TTC12: variants seen among roughly 807,000 people sequenced by gnomAD.
TTC12 encodes tetratricopeptide repeat protein 12.
A neutral mutation model predicts 90.1 loss-of-function variants in TTC12; 70 were observed. The ratio of observed to expected loss-of-function variants is 0.78; its 90% CI spans 0.64 to 0.95. TTC12 has a LOEUF of 0.95. Ranked by LOEUF, TTC12 falls within the 40% of genes least tolerant of loss-of-function variation. The pLI, the probability that TTC12 is intolerant of heterozygous loss-of-function variation, is 0.00. For synonymous variants in TTC12, 296 were observed against 311.5 expected (o/e 0.95, Z 0.53); for missense variants, 819 against 846.1 (o/e 0.97, Z 0.40).
At chr11:113,323,184 T>C in intron 2 of TTC12, 104 bp from the exon 3 acceptor site, 1 of 942,992 alleles carries the variant, frequency 1.1e-6, no homozygotes. Flanking sequence ...TGCTCTATTT[T>C]TTTCTTTAAG....
At position 113,352,187 on chromosome 11, in the gene TTC12, G is replaced by C. The variant is rs1186275844; in HGVS notation, c.1426G>C (p.Asp476His). ...CATGGCGGCCTGTGAGGAATTTGGG[G>C]ATGGCTGCTTGAGCCTCCTGGTATG... ...RHMAACEEFG[D>H]GCLSLLARCE... The change falls in exon 16 of 22, where the codon GAT (aspartate) becomes CAT (histidine). Residue 476 changes from aspartate to histidine, a missense_variant. By Grantham distance (81) the Asp-to-His change is moderately conservative. Transcript: ENST00000529221. The C allele has an allele frequency of 6.2e-6, 10 of 1,614,206 alleles. No individual in the cohort carries two copies. Among genetic ancestry groups the C allele is most frequent in the Non-Finnish European group, 7.6e-6 (9 of 1,180,010 alleles).
At chr11:113,337,068 G>A (rs1365105281) in intron 8 of TTC12, among the ~76,000 whole-genome samples, 3 of 152,166 alleles carry the variant, frequency 2.0e-5, no homozygotes, top group Non-Finnish European at 2.9e-5. Context: ...GACTTTAATT[G>A]TAAATGTAAT....
At chr11:113,363,262 T>C (rs183962042) in intron 19 of TTC12, among the ~76,000 whole-genome samples, 1 of 152,394 alleles carries the variant, frequency 6.6e-6, no homozygotes, top group East Asian at 1.9e-4. Flanking sequence ...TCATTCATTA[T>C]AACTTTTGCA....
Position 113,358,479 on chromosome 11 carries a change from T to G in TTC12, c.1447-884T>G, listed in dbSNP as rs1246556597. Among the ~76,000 whole-genome samples, 32 of 152,280 alleles carry G rather than the reference T, an allele frequency of 2.1e-4. 1 individual carries two copies. The highest frequency in any genetic ancestry group is 2.0e-3 in the Admixed American group (30 of 15,298). On this transcript the variant is annotated intron_variant, in intron 16 of 21. Transcript: ENST00000529221. Reference sequence around the variant, plus strand: ...CCCAAGACTGCTCAGCAAGCAGGTGTGGCCTGGCTGGGGCCCCAGGAGAGG... The same window carrying G: ...CCCAAGACTGCTCAGCAAGCAGGTGGGGCCTGGCTGGGGCCCCAGGAGAGG...
chr11:113,364,559 G>C (rs1950104093), intron 20 of TTC12: 1 of 451,948 alleles, frequency 2.2e-6, no homozygotes, highest in African/African-American at 2.0e-5. Flanking sequence ...CAAGAAGACA[G>C]ACCTGTCTGA....
chr11:113,361,380 A>T (rs1397594306), intron 18 of TTC12, among the ~76,000 whole-genome samples: 1 of 152,230 alleles, frequency 6.6e-6, no homozygotes, highest in Non-Finnish European at 1.5e-5. Flanking sequence ...TTTCCTGAAG[A>T]TGGAGAACAG....
intron 2 of TTC12, among the ~76,000 whole-genome samples, chr11:113,320,076 A>G (rs974775554): frequency 6.6e-6 from 1 of 152,176 alleles, no homozygotes; most frequent in Admixed American, 6.5e-5. Flanking sequence ...CATAAAAACA[A>G]ATGAAAAGAC....
At chr11:113,335,098 C>T in intron 8 of TTC12, 61 bp downstream of exon 8, 1 of 1,224,376 alleles carries the variant, frequency 8.2e-7, no homozygotes, top group Non-Finnish European at 1.2e-6. Flanking sequence ...CCCAGTTGTG[C>T]TAGAGGAGAA....
chr11:113,368,155 G>A, downstream of TTC12: 2 of 1,365,650 alleles, frequency 1.5e-6, no homozygotes, highest in Non-Finnish European at 1.9e-6. Context: ...AGTGGGGAAT[G>A]TCAAATTACG....
chr11:113,358,119 A>G (rs1310554116), intron 16 of TTC12, among the ~76,000 whole-genome samples: 1 of 152,222 alleles, frequency 6.6e-6, no homozygotes, highest in Non-Finnish European at 1.5e-5. Context: ...AGGATCTGCT[A>G]TACTCTATGC....
At position 113,323,870 on chromosome 11, in the gene TTC12, T is replaced by C. The variant is rs1341375472; in HGVS notation, c.223-124T>C. 4 of 724,674 alleles carry C rather than the reference T, an allele frequency of 5.5e-6. No homozygotes were observed. In the South Asian group the frequency reaches 7.8e-5, roughly 14 times the overall value. 44.9% of individuals were successfully genotyped at this position (724,674 alleles called of 1,614,324 possible). A position where few individuals can be genotyped will look rare whatever the true frequency, so the allele number is the denominator to read the frequency against. On this transcript the variant is annotated intron_variant, in intron 3 of 21. Coordinates refer to ENST00000529221, the MANE Select transcript of TTC12 (RefSeq NM_017868.4). ...GCCCCATGAATTCTGAGCCCTTCAG[T>C]TTTGATGGTTAAAAGAAATGACCTC...
chr11:113,341,944 C>A lies in TTC12; in HGVS notation c.985+19C>A. 2 of 1,600,536 alleles carry A rather than the reference C, an allele frequency of 1.2e-6. No homozygotes were observed. Among genetic ancestry groups the A allele is most frequent in the Non-Finnish European group, 1.7e-6 (2 of 1,167,634 alleles). On this transcript the variant is annotated intron_variant, in intron 12 of 21. Coordinates refer to ENST00000529221, the MANE Select transcript of TTC12 (RefSeq NM_017868.4). The stretch of plus-strand genomic sequence containing the variant: ...AGGAACGGTAAGCCTGGGTAATCAC[C>A]GTTGATCACCATTAATGCGCTGCGT...
At chr11:113,368,940 C>T (rs924905072), downstream of TTC12, 1 of 162,664 alleles carries the variant, frequency 6.1e-6, no homozygotes, top group Non-Finnish European at 1.4e-5. Context: ...TAAGAGGTCT[C>T]ATTTTCTAAA....
chr11:113,328,166 C>T (rs986296320), intron 6 of TTC12, among the ~76,000 whole-genome samples: 14 of 152,162 alleles, frequency 9.2e-5, no homozygotes, highest in African/African-American at 3.1e-4. Context: ...GGAAAAGCCA[C>T]CACTCCTGGT....
In TTC12 at chr11:113,359,817, G is replaced by T; in HGVS notation, c.1546-123G>T. ...AATAAAAGCAGTAAAAGATGGTGTTGTGAGGGAACCTGGGCATAGTGTGGT... is the reference window on the plus strand; with the variant it reads ...AATAAAAGCAGTAAAAGATGGTGTTTTGAGGGAACCTGGGCATAGTGTGGT... On this transcript the variant is annotated intron_variant, in intron 17 of 21. Coordinates refer to ENST00000529221, the MANE Select transcript of TTC12 (RefSeq NM_017868.4). The T allele has an allele frequency of 4.2e-6, 3 of 714,882 alleles. No individual in the cohort carries two copies. In the South Asian group the frequency reaches 5.5e-5, roughly 13 times the overall value. 44.3% of individuals were successfully genotyped at this position (714,882 alleles called of 1,614,324 possible).
chr11:113,352,167 C>A lies in TTC12; in HGVS notation c.1406C>A (p.Ala469Glu). Residue 469 changes from alanine (A) to glutamate (E), a missense_variant, in exon 16 of 22, where the codon GCG (alanine) becomes GAG (glutamate). Coordinates refer to ENST00000529221, the MANE Select transcript of TTC12 (RefSeq NM_017868.4). ...GAGCCCACTACCCGAAGACACATGG[C>A]GGCCTGTGAGGAATTTGGGGATGGC... ...SAEPTTRRHM[A>E]ACEEFGDGCL... 1 of 1,614,194 alleles carries A rather than the reference C, an allele frequency of 6.2e-7. No homozygotes were observed.
intron 6 of TTC12, 95 bp from the exon 7 acceptor site, chr11:113,329,825 G>A (rs909519872): frequency 3.5e-5 from 36 of 1,039,196 alleles, no homozygotes; most frequent in Non-Finnish European, 5.0e-5. Context: ...GATAGTTCTC[G>A]CTGACATTCT....
At chr11:113,354,964 G>C (rs1949539418) in intron 16 of TTC12, among the ~76,000 whole-genome samples, 1 of 152,114 alleles carries the variant, frequency 6.6e-6, no homozygotes, top group African/African-American at 2.4e-5. Flanking sequence ...GGATGATGCT[G>C]GTCTCACAGA....
chr11:113,368,570 G>A (rs752154152), downstream of TTC12: 4 of 1,393,014 alleles, frequency 2.9e-6, no homozygotes, highest in Non-Finnish European at 3.0e-6. Flanking sequence ...CACAGCAGAG[G>A]TGGCAGGTAA....
Sources: gnomAD v4.1 joint callset for allele counts (sites outside exome capture counted in the v4.1 genomes callset) on GRCh38, gnomAD v4.1.1 for gene constraint, MANE v1.5 for transcripts, NCBI Gene and HGNC (gene_info 2026-07-23, HGNC 2026-07-21) for gene names.